DISC1: variants seen among roughly 807,000 people sequenced by gnomAD.
DISC1 encodes the protein DISC1 scaffold protein.
Under a neutral mutation model 84.5 loss-of-function variants are expected in DISC1, and 57 were observed. The ratio of observed to expected loss-of-function variants is 0.67; its 90% CI spans 0.55 to 0.84. The LOEUF is 0.84. Among genes scored for constraint, DISC1 ranks in the 40% least tolerant of loss-of-function variants. The probability of loss-of-function intolerance (pLI) is 0.00; values close to 1 mark genes in which losing one functional copy is unlikely to be tolerated. For synonymous variants in DISC1, 411 were observed against 415.2 expected, an observed-to-expected ratio of 0.99 and a Z score of 0.12; for missense variants, 1,000 against 1,057.8, an observed-to-expected ratio of 0.95 and a Z score of 0.76.
chr1:231,701,662 A>G (rs2066434900), intron 2 of DISC1, among the ~76,000 whole-genome samples: 1 of 152,194 alleles, frequency 6.6e-6, no homozygotes, highest in Non-Finnish European at 1.5e-5. Context: ...CCTTCTCATT[A>G]TGCATTTCTT....
intron 8 of DISC1, among the ~76,000 whole-genome samples, chr1:231,801,711 T>G (rs1558570383): frequency 3.3e-5 from 5 of 152,194 alleles, no homozygotes; most frequent in African/African-American, 4.8e-5. Context: ...TTGCAACTCC[T>G]GCATATAATG....
chr1:231,886,828 TTTCTTTCC>T (rs1157482909), intron 9 of DISC1, among the ~76,000 whole-genome samples: 7 of 124,518 alleles, frequency 5.6e-5, no homozygotes, highest in African/African-American at 1.2e-4. Flanking sequence ...TCTTTCTTTC[TTTCTTTCC>T]TTCTTTCTTT....
chr1:231,926,607 A>G (rs902537945), intron 9 of DISC1, among the ~76,000 whole-genome samples: 2 of 152,210 alleles, frequency 1.3e-5, no homozygotes, highest in Non-Finnish European at 2.9e-5. Flanking sequence ...GATCCACTAC[A>G]GGGATGAATT....
rs143728754 is a variant in DISC1, at chr1:231,647,525, T to G, written c.67+20591T>G. Among the ~76,000 whole-genome samples, 2,624 of 152,330 alleles carry G rather than the reference T, an allele frequency of 0.017. 150 individuals carry two copies. The East Asian group carries it at 0.21, about 12-fold the overall frequency. On this transcript the variant is annotated intron_variant, in intron 1 of 12. Coordinates refer to ENST00000439617, the MANE Select transcript of DISC1 (RefSeq NM_018662.3). The stretch of plus-strand genomic sequence containing the variant: ...CCAGCTTTGTTCTTCTTGCTTAGGA[T>G]TGTTTTGGCAATGCAGGCTCTTTTT...
rs565207426 is a variant in DISC1 at position 231,965,177 on chromosome 1, A to G, written c.2042+6289A>G. On this transcript the variant is annotated intron_variant, in intron 10 of 12. Transcript: ENST00000439617. ...GCAGTGGTTCAAAAGCACATCTTGC[A>G]TAACTCAAAGCAAAAAGTGGACAAA... is the stretch of plus-strand genomic sequence containing the variant. Among the ~76,000 whole-genome samples, 7 of 152,376 alleles carry G rather than the reference A, an allele frequency of 4.6e-5. No homozygotes were observed. The South Asian group carries it at 1.5e-3, about 32-fold the overall frequency.
At position 231,818,466 on chromosome 1, in the gene DISC1, G is replaced by A. The variant is rs1003880865; in HGVS notation, c.1930G>A (p.Glu644Lys). 1.9e-6 allele frequency: 3 copies of A among 1,614,100 alleles called. No individual in the cohort carries two copies. In the African/African-American group the frequency reaches 4.0e-5, roughly 22 times the overall value. ...TGTCAAAAAGCTGGGAAGTGTTAAAGAAGATTACAACAGACTGAGAAGAGA... is the reference window on the plus strand; with the variant it reads ...TGTCAAAAAGCTGGGAAGTGTTAAAAAAGATTACAACAGACTGAGAAGAGA... Reference protein sequence around the residue: ...RNVKKLGSVKEDYNRLRREVE... With the variant: ...RNVKKLGSVKKDYNRLRREVE... The change falls in exon 9 of 13, where the codon GAA (glutamate) becomes AAA (lysine). Residue 644 changes from glutamate to lysine, a missense_variant. Transcript: ENST00000439617.
chr1:231,702,426 T>G (rs1159494117), intron 3 of DISC1: 1 of 991,550 alleles, frequency 1.0e-6, no homozygotes, highest in Non-Finnish European at 1.2e-6. Context: ...TCTGCCCTTG[T>G]GATGCCAGTA....
chr1:231,694,890 G>C, intron 2 of DISC1, 85 bp downstream of exon 2: 8 of 1,554,164 alleles, frequency 5.1e-6, no homozygotes, highest in Non-Finnish European at 7.0e-6. Context: ...GAGGGGTTCT[G>C]GGCTCAACTG....
intron 8 of DISC1, among the ~76,000 whole-genome samples, chr1:231,817,683 G>GT (rs1031145834): frequency 1.3e-5 from 2 of 151,932 alleles, no homozygotes; most frequent in African/African-American, 4.8e-5. Context: ...TCATCTTCTA[G>GT]TTTTTTGTTA....
At chr1:231,955,161 C>G (rs965111399) in intron 9 of DISC1, among the ~76,000 whole-genome samples, 1 of 152,168 alleles carries the variant, frequency 6.6e-6, no homozygotes, top group African/African-American at 2.4e-5. Context: ...AAGGTGCTAT[C>G]ACAATATAAA....
intron 9 of DISC1, among the ~76,000 whole-genome samples, chr1:231,927,886 A>G (rs977360159): frequency 2.6e-5 from 4 of 152,150 alleles, no homozygotes; most frequent in African/African-American, 7.2e-5. Context: ...GTCTCACCAC[A>G]AGTTGATGCT....
intron 9 of DISC1, among the ~76,000 whole-genome samples, chr1:231,891,159 A>G (rs75457582): frequency 6.6e-6 from 1 of 152,120 alleles, no homozygotes; most frequent in African/African-American, 2.4e-5. Context: ...GAAGGAGGAG[A>G]ATTGTCTTGG....
chr1:231,851,658 C>T (rs956804809), intron 9 of DISC1, among the ~76,000 whole-genome samples: 1 of 152,076 alleles, frequency 6.6e-6, no homozygotes, highest in Non-Finnish European at 1.5e-5. Context: ...GAGGAGTTGG[C>T]CGTGATGCGT....
chr1:231,986,560 A>G lies in DISC1; in HGVS notation c.2043-22225A>G, dbSNP rs143600160. On this transcript the variant is annotated intron_variant, in intron 10 of 12. Coordinates refer to ENST00000439617, the MANE Select transcript of DISC1 (RefSeq NM_018662.3). ...AGATTGTAAATCCTGCATCTTTCAG[A>G]TTAGATCATGTATGTTCAATATCAG... Among the ~76,000 whole-genome samples, 472 of 152,350 alleles carry G rather than the reference A, an allele frequency of 3.1e-3. 1 individual carries two copies. Among genetic ancestry groups the G allele is most frequent in the Middle Eastern group, 0.01 (3 of 294 alleles).
At chr1:231,747,085 A>G (rs570915241) in intron 3 of DISC1, among the ~76,000 whole-genome samples, 1 of 152,154 alleles carries the variant, frequency 6.6e-6, no homozygotes, top group South Asian at 2.1e-4. Context: ...ATACACCACC[A>G]TGCCTGGCTA....
At chr1:231,735,093 A>G (rs1294356138) in intron 3 of DISC1, among the ~76,000 whole-genome samples, 1 of 152,234 alleles carries the variant, frequency 6.6e-6, no homozygotes, top group Admixed American at 6.5e-5. Flanking sequence ...TGGCTTTGTA[A>G]GTAGAGAAAT....
At chr1:231,828,608 C>A (rs2082020836) in intron 9 of DISC1, among the ~76,000 whole-genome samples, 1 of 152,132 alleles carries the variant, frequency 6.6e-6, no homozygotes, top group African/African-American at 2.4e-5. Flanking sequence ...TCAAAAAATA[C>A]CTTTAGCATA....
chr1:232,034,181 T>G (rs530335880), intron 12 of DISC1, among the ~76,000 whole-genome samples: 1 of 152,294 alleles, frequency 6.6e-6, no homozygotes, highest in Non-Finnish European at 1.5e-5. Flanking sequence ...TAAATGAGGT[T>G]TCTAGGATTT....
chr1:231,941,295 C>T (rs905162338), intron 9 of DISC1, among the ~76,000 whole-genome samples: 1 of 152,106 alleles, frequency 6.6e-6, no homozygotes, highest in Non-Finnish European at 1.5e-5. Flanking sequence ...TCAGCCGGCT[C>T]CCACATTCCC....
Sources: gnomAD v4.1 joint callset for allele counts (sites outside exome capture counted in the v4.1 genomes callset) on GRCh38, gnomAD v4.1.1 for gene constraint, MANE v1.5 for transcripts, NCBI Gene and HGNC (gene_info 2026-07-23, HGNC 2026-07-21) for gene names.